GCGR: variants seen among roughly 807,000 people sequenced by gnomAD.
GCGR encodes the protein glucagon receptor.
In GCGR, 41 loss-of-function variants were observed where a neutral mutation model predicts 56.1. The ratio of observed to expected loss-of-function variants is 0.73; its 90% confidence interval spans 0.57 to 0.95. GCGR has a LOEUF of 0.95. GCGR is among the 40% of genes least tolerant of loss of function. The pLI is 0.00. For synonymous variants in GCGR, 278 were observed against 271.1 expected (o/e 1.03, Z -0.25); for missense variants, 595 against 638.2 (o/e 0.93, Z 0.73).
At position 81,811,035 on chromosome 17, in the gene GCGR, A is replaced by C; in HGVS notation, c.297A>C (p.Arg99Ser). 3 of 1,536,048 alleles carry C rather than the reference A, an allele frequency of 2.0e-6. No homozygotes were observed. Among genetic ancestry groups the C allele is most frequent in the Non-Finnish European group, 2.6e-6 (3 of 1,146,844 alleles). The change falls in exon 5 of 14, where the codon AGA becomes AGC. Residue 99 changes from arginine to serine, a missense_variant. Arg to Ser is a moderately radical substitution (Grantham distance 110, BLOSUM62 -1). Transcript: ENST00000400723. The surrounding 1 kb of genome is among the most constrained non-coding windows in gnomAD (Gnocchi z 5.8). ...HKVQHRFVFK[R>S]CGPDGQWVRG... The stretch of plus-strand genomic sequence containing the variant: ...TGCAACACCGCTTCGTGTTCAAGAG[A>C]TGCGGGCCCGACGGTCAGTGGGTGC...
rs1235487464 is a variant in GCGR at position 81,811,355 on chromosome 17, G to A, written c.500+27G>A. 21 of 1,534,338 alleles carry A rather than the reference G, an allele frequency of 1.4e-5. No homozygotes were observed. The highest frequency in any genetic ancestry group is 1.8e-5 in the Non-Finnish European group (21 of 1,145,452). On this transcript the variant is annotated intron_variant, in intron 6 of 13. Transcript: ENST00000400723. This position sits in a 1 kb window ranked among gnomAD's most constrained non-coding sequence, Gnocchi z 5.8. Reference sequence around the variant, plus strand: ...TAGGATTCCGCCAGCGCCCGGGGCGGCCGCAGAGGACAGGGAGGAGGACGG... The same window carrying A: ...TAGGATTCCGCCAGCGCCCGGGGCGACCGCAGAGGACAGGGAGGAGGACGG...
rs1364717865 is a variant in GCGR at position 81,811,084 on chromosome 17, C to T, written c.346C>T (p.Arg116Cys). The change falls in exon 5 of 14, where the codon CGT (arginine) becomes TGT (cysteine). Residue 116 changes from arginine (R) to cysteine (C), a missense_variant. By Grantham distance (180) the Arg-to-Cys change is radical (BLOSUM62 -3). Coordinates refer to ENST00000400723, the MANE Select transcript of GCGR (RefSeq NM_000160.5). This position sits in a 1 kb window ranked among gnomAD's most constrained non-coding sequence, Gnocchi z 5.8. ...GCGTGGACCCCGGGGGCAGCCTTGG[C>T]GTGATGCCTCCCAGTGCCAGATGGA... The part of the protein sequence containing the change: ...WVRGPRGQPW[R>C]DASQCQMDGE... 12 of 1,536,038 alleles carry T rather than the reference C, an allele frequency of 7.8e-6. No individual in the cohort carries two copies. The highest frequency in any genetic ancestry group is 3.9e-5 in the Admixed American group (2 of 50,984).
intron 1 of GCGR, among the ~76,000 whole-genome samples, chr17:81,808,221 C>A (rs574896562): frequency 1.3e-3 from 192 of 152,384 alleles, no homozygotes; most frequent in African/African-American, 4.3e-3. Flanking sequence ...AAGGTCCAGG[C>A]ACCGCCACCC....
In GCGR at chr17:81,811,599, G is replaced by A; in HGVS notation, c.657+39G>A. On this transcript the variant is annotated intron_variant, in intron 7 of 13. Coordinates refer to ENST00000400723, the MANE Select transcript of GCGR (RefSeq NM_000160.5). The surrounding 1 kb of genome is among the most constrained non-coding windows in gnomAD (Gnocchi z 5.8). ...GGCGGCCCCAGGCAGGTGGGTGGGT[G>A]GGCAGCCAGGCAGGTGGCCACGTAG... The A allele has an allele frequency of 6.5e-7, 1 of 1,536,022 alleles. No homozygotes were observed. Among genetic ancestry groups the A allele is most frequent in the Non-Finnish European group, 8.7e-7 (1 of 1,146,776 alleles).
chr17:81,812,782 G>A lies in GCGR; in HGVS notation c.1038-25G>A. ...GTGCGGGCCGAGGGTGGGGGCGGTG[G>A]GTGACTCAGGCGCTGCCTCTGCAGG... is the stretch of plus-strand genomic sequence containing the variant. On this transcript the variant is annotated intron_variant, in intron 11 of 13. Coordinates refer to ENST00000400723, the MANE Select transcript of GCGR (RefSeq NM_000160.5). The surrounding 1 kb of genome is among the most constrained non-coding windows in gnomAD (Gnocchi z 8.5). 6.5e-7 allele frequency: 1 copy of A among 1,535,272 alleles called. No homozygotes were observed. The highest frequency in any genetic ancestry group is 8.7e-7 in the Non-Finnish European group (1 of 1,146,568).
chr17:81,808,864 G>A lies in GCGR; in HGVS notation c.-155G>A. The A allele has an allele frequency of 1.1e-6, 1 of 876,620 alleles. No individual in the cohort carries two copies. The highest frequency in any genetic ancestry group is 1.8e-6 in the Non-Finnish European group (1 of 558,990). 54.3% of individuals were successfully genotyped at this position (876,620 alleles called of 1,614,324 possible). A position where few individuals can be genotyped will look rare whatever the true frequency, so the allele number is the denominator to read the frequency against. On this transcript the variant is annotated 5_prime_UTR_variant, in exon 2 of 14. Coordinates refer to ENST00000400723, the MANE Select transcript of GCGR (RefSeq NM_000160.5). ...TAGGACCCTGAGGCTCAGAGGGGCA[G>A]CTTCAGGGGAGGACACCCCACTGGC... is the stretch of plus-strand genomic sequence containing the variant.
Position 81,806,911 on chromosome 17 carries a change from C to T in GCGR, c.-177-1931C>T, listed in dbSNP as rs879340956. ...TCCAGCTGCCCCTTGTCCCTCTCCC[C>T]GTCCCCTGCCCAGAGCCCCAGGTCT... On this transcript the variant is annotated intron_variant, in intron 1 of 13. Transcript: ENST00000400723. The surrounding 1 kb of genome is among the most constrained non-coding windows in gnomAD (Gnocchi z 6.5). Among the ~76,000 whole-genome samples, 18 of 152,116 alleles carry T rather than the reference C, an allele frequency of 1.2e-4. No homozygotes were observed. Among genetic ancestry groups the T allele is most frequent in the Non-Finnish European group, 1.9e-4 (13 of 67,994 alleles).
chr17:81,812,022 G>C lies in GCGR; in HGVS notation c.878+76G>C. ...CGGCGCTCTGGCCTGAGGCAGGGAGGGGCCGGGGATGAGCCTGGTGCCTGG... is the reference window on the plus strand; with the variant it reads ...CGGCGCTCTGGCCTGAGGCAGGGAGCGGCCGGGGATGAGCCTGGTGCCTGG... On this transcript the variant is annotated intron_variant, in intron 9 of 13. Transcript: ENST00000400723. This position sits in a 1 kb window ranked among gnomAD's most constrained non-coding sequence, Gnocchi z 8.5. 6 of 1,526,562 alleles carry C rather than the reference G, an allele frequency of 3.9e-6. No individual in the cohort carries two copies. The highest frequency in any genetic ancestry group is 5.3e-6 in the Non-Finnish European group (6 of 1,138,592). The allele number at this position is 1,526,562 out of a possible 1,614,324, so 94.6% of individuals were successfully genotyped here. A position where few individuals can be genotyped will look rare whatever the true frequency, so the allele number is the denominator to read the frequency against.
At position 81,813,489 on chromosome 17, in the gene GCGR, C is replaced by T. The variant is rs552133484; in HGVS notation, c.1234C>T (p.Arg412Trp). The change falls in exon 14 of 14, where the codon CGG becomes TGG. Residue 412 changes from arginine to tryptophan, a missense_variant. Coordinates refer to ENST00000400723, the MANE Select transcript of GCGR (RefSeq NM_000160.5). The surrounding 1 kb of genome is among the most constrained non-coding windows in gnomAD (Gnocchi z 5.3). ...CCCTCCCCAGGTGCAGTCGGAGCTG[C>T]GGCGGCGTTGGCACCGCTGGCGCCT... ...FLNKEVQSEL[R>W]RRWHRWRLGK... The T allele has an allele frequency of 4.7e-5, 72 of 1,535,112 alleles. No homozygotes were observed. Among genetic ancestry groups the T allele is most frequent in the African/African-American group, 1.5e-4 (11 of 73,110 alleles).
intron 1 of GCGR, among the ~76,000 whole-genome samples, chr17:81,808,516 C>CTTT (rs998083389): frequency 1.6e-4 from 21 of 134,802 alleles, no homozygotes; most frequent in African/African-American, 4.2e-4. Context: ...CTATCGCCCT[C>CTTT]TTTTTTTTTT....
At chr17:81,805,560 T>C (rs1396672005) in intron 1 of GCGR, among the ~76,000 whole-genome samples, 1 of 133,728 alleles carries the variant, frequency 7.5e-6, no homozygotes, top group African/African-American at 3.0e-5. Flanking sequence ...ATTGGGCACC[T>C]CGGGAACCCC....
rs962966699 is a variant in GCGR at position 81,806,585 on chromosome 17, G to T, written c.-177-2257G>T. Among the ~76,000 whole-genome samples, 34 of 152,284 alleles carry T rather than the reference G, an allele frequency of 2.2e-4. No individual in the cohort carries two copies. Among genetic ancestry groups the T allele is most frequent in the African/African-American group, 7.2e-4 (30 of 41,564 alleles). The stretch of plus-strand genomic sequence containing the variant: ...CGGCTGGAAGGTGGGGCCCTGGCAC[G>T]CGAGGACCTCATGTGTGGAGGCACT... On this transcript the variant is annotated intron_variant, in intron 1 of 13. Coordinates refer to ENST00000400723, the MANE Select transcript of GCGR (RefSeq NM_000160.5). This position sits in a 1 kb window ranked among gnomAD's most constrained non-coding sequence, Gnocchi z 6.5.
Position 81,812,310 on chromosome 17 carries a change from G to A in GCGR, c.948+58G>A, listed in dbSNP as rs2038119497. 1 of 1,519,832 alleles carries A rather than the reference G, an allele frequency of 6.6e-7. No individual in the cohort carries two copies. Among genetic ancestry groups the A allele is most frequent in the Middle Eastern group, 2.2e-4 (1 of 4,556 alleles). 94.1% of individuals were successfully genotyped at this position (1,519,832 alleles called of 1,614,324 possible). A position where few individuals can be genotyped will look rare whatever the true frequency, so the allele number is the denominator to read the frequency against. ...GGCCCCTCCTCCCTTGGCGTCCTGA[G>A]GCTGCCCCAGGAGACAGCAGCATCC... is the stretch of plus-strand genomic sequence containing the variant. On this transcript the variant is annotated intron_variant, in intron 10 of 13. Coordinates refer to ENST00000400723, the MANE Select transcript of GCGR (RefSeq NM_000160.5). The surrounding 1 kb of genome is among the most constrained non-coding windows in gnomAD (Gnocchi z 8.5).
chr17:81,806,651 C>G lies in GCGR; in HGVS notation c.-177-2191C>G, dbSNP rs1483018580. Among the ~76,000 whole-genome samples, 1 of 152,158 alleles carries G rather than the reference C, an allele frequency of 6.6e-6. No homozygotes were observed. Among genetic ancestry groups the G allele is most frequent in the African/African-American group, 2.4e-5 (1 of 41,426 alleles). ...CCCAGTGGCTCTAGAGTCAACATGA[C>G]AGGCATCGAATGGCTCCTGTTTCTC... On this transcript the variant is annotated intron_variant, in intron 1 of 13. Transcript: ENST00000400723. This position sits in a 1 kb window ranked among gnomAD's most constrained non-coding sequence, Gnocchi z 6.5.
chr17:81,809,003 C>A lies in GCGR; in HGVS notation c.-16C>A. On this transcript the variant is annotated 5_prime_UTR_variant, in exon 2 of 14. Coordinates refer to ENST00000400723, the MANE Select transcript of GCGR (RefSeq NM_000160.5). ...AGCCCCTGCCAGATGTGGGAGGCAG[C>A]TAGCTGCCCAGAGGCATGCCCCCCT... 6.5e-7 allele frequency: 1 copy of A among 1,535,902 alleles called. No homozygotes were observed.
Position 81,813,700 on chromosome 17 carries a change from G to T in GCGR, c.*11G>T. 1 of 1,533,414 alleles carries T rather than the reference G, an allele frequency of 6.5e-7. No individual in the cohort carries two copies. The allele number at this position is 1,533,414 out of a possible 1,614,324, so 95.0% of individuals were successfully genotyped here. ...GAGAGCCCCTTCTGAACCCTGCTGGGACCCCAGCTAGGGCTGGACTCTGGC... is the reference window on the plus strand; with the variant it reads ...GAGAGCCCCTTCTGAACCCTGCTGGTACCCCAGCTAGGGCTGGACTCTGGC... On this transcript the variant is annotated 3_prime_UTR_variant, in exon 14 of 14. Transcript: ENST00000400723. The surrounding 1 kb of genome is among the most constrained non-coding windows in gnomAD (Gnocchi z 5.3).
Position 81,812,069 on chromosome 17 carries a change from T to C in GCGR, c.879-114T>C, listed in dbSNP as rs2038113643. The C allele has an allele frequency of 4.7e-6, 7 of 1,502,664 alleles. No homozygotes were observed. Among genetic ancestry groups the C allele is most frequent in the Non-Finnish European group, 6.3e-6 (7 of 1,117,648 alleles). The allele number at this position is 1,502,664 out of a possible 1,614,324, so 93.1% of individuals were successfully genotyped here. ...CTGGGGAGGGGGTCATTTGTGACCTTCTCCCTTCCTTTTCTGAGACCCGAA... is the reference window on the plus strand; with the variant it reads ...CTGGGGAGGGGGTCATTTGTGACCTCCTCCCTTCCTTTTCTGAGACCCGAA... On this transcript the variant is annotated intron_variant, in intron 9 of 13. Transcript: ENST00000400723. This position sits in a 1 kb window ranked among gnomAD's most constrained non-coding sequence, Gnocchi z 8.5.
At position 81,804,967 on chromosome 17, in the gene GCGR, T is replaced by A. The variant is rs1221853897; in HGVS notation, c.-178+718T>A. ...CTCTCTGCCCTTGGTATTGGGGACA[T>A]CAGGGTTGGGGGGTCTGGGTGCACC... On this transcript the variant is annotated intron_variant, in intron 1 of 13. Transcript: ENST00000400723. The surrounding 1 kb of genome is among the most constrained non-coding windows in gnomAD (Gnocchi z 8.2). The A allele has an allele frequency of 6.5e-6, 1 of 152,880 alleles. No homozygotes were observed. Among genetic ancestry groups the A allele is most frequent in the Non-Finnish European group, 1.5e-5 (1 of 68,686 alleles). The allele number at this position is 152,880 out of a possible 1,614,324, so 9.5% of individuals were successfully genotyped here. A position where few individuals can be genotyped will look rare whatever the true frequency, so the allele number is the denominator to read the frequency against.
chr17:81,809,132 A>T (rs369584820), intron 2 of GCGR, 54 bp downstream of exon 2: 3 of 1,515,742 alleles, frequency 2.0e-6, no homozygotes, highest in East Asian at 2.5e-5. Context: ...AGGACTGCAC[A>T]CTGATGGCTC....
Sources: gnomAD v4.1 joint callset for allele counts (sites outside exome capture counted in the v4.1 genomes callset) on GRCh38, gnomAD v4.1.1 for gene constraint, Gnocchi (gnomAD v3.1) non-coding constraint, MANE v1.5 for transcripts, NCBI Gene and HGNC (gene_info 2026-07-23, HGNC 2026-07-21) for gene names.